The following PPWD1 variants were observed in gnomAD, a reference collection of about 807,000 sequenced individuals.
The protein encoded by PPWD1 is peptidylprolyl isomerase domain and WD repeat containing 1, also known as peptidylprolyl isomerase domain and WD repeat-containing protein 1.
A neutral mutation model predicts 68.8 loss-of-function variants in PPWD1; 43 were observed. The observed-to-expected ratio is 0.62, with a 90% CI of 0.49 to 0.81. PPWD1 has a LOEUF of 0.81. Among genes scored for constraint, PPWD1 ranks in the 30% least tolerant of loss-of-function variants. The probability of loss-of-function intolerance (pLI) is 0.00; values close to 1 mark genes in which losing one functional copy is unlikely to be tolerated. For synonymous variants in PPWD1, 232 were observed against 258.7 expected (o/e 0.90, Z 0.99); for missense variants, 672 against 804.8 (o/e 0.83, Z 2.00).
chr5:65,587,261 T>G lies in PPWD1; in HGVS notation c.1806T>G (p.Leu602=). ...FFITVVPTPW[L]DNKHTVFGRV... ...TTTGTCCTCCAACACAGCCTTGGCT[T>G]GATAATAAGCATACAGTATTTGGAC... The change falls in exon 11 of 11, where the codon CTT becomes CTG. Residue 602 remains leucine, a synonymous_variant. Coordinates refer to ENST00000261308, the MANE Select transcript of PPWD1 (RefSeq NM_015342.4). The G allele has an allele frequency of 6.2e-7, 1 of 1,607,160 alleles. No individual in the cohort carries two copies. The highest frequency in any genetic ancestry group is 8.5e-7 in the Non-Finnish European group (1 of 1,176,246).
At chr5:65,582,951 T>G (rs1357210721) in intron 7 of PPWD1, 87 bp from the exon 8 acceptor site, 3 of 1,413,182 alleles carry the variant, frequency 2.1e-6, no homozygotes, top group East Asian at 2.4e-5. Flanking sequence ...ATTTCTTAAG[T>G]ACTTCATTAG....
At chr5:65,575,318 A>G (rs957360604) in intron 5 of PPWD1, among the ~76,000 whole-genome samples, 1 of 152,212 alleles carries the variant, frequency 6.6e-6, no homozygotes, top group Non-Finnish European at 1.5e-5. Context: ...CCAGCATCCT[A>G]GGCTATTCCT....
At chr5:65,586,333 T>G in intron 10 of PPWD1, 152 bp downstream of exon 10, 1 of 813,094 alleles carries the variant, frequency 1.2e-6, no homozygotes, top group Non-Finnish European at 1.8e-6. Context: ...GAATATAAAA[T>G]TATGTGACTA....
chr5:65,567,193 TTTTTC>T (rs1357595743), intron 1 of PPWD1, among the ~76,000 whole-genome samples: 3 of 152,196 alleles, frequency 2.0e-5, no homozygotes, highest in East Asian at 1.9e-4. Flanking sequence ...TTTTCTTTCT[TTTTTC>T]TTTTCTTTTT....
At chr5:65,585,796 C>A in intron 9 of PPWD1, 1 of 501,672 alleles carries the variant, frequency 2.0e-6, no homozygotes, top group Non-Finnish European at 2.6e-6. Context: ...AGAAGACGAC[C>A]TTTGCATTTA....
chr5:65,572,317 A>T (rs1281736785), intron 5 of PPWD1, 31 bp downstream of exon 5: 1 of 1,532,910 alleles, frequency 6.5e-7, no homozygotes, highest in South Asian at 1.2e-5. Context: ...ACCGTACTTT[A>T]CTTTTCTAAA....
chr5:65,567,778 A>G, intron 2 of PPWD1, 163 bp downstream of exon 2: 1 of 1,245,540 alleles, frequency 8.0e-7, no homozygotes, highest in Non-Finnish European at 1.0e-6. Flanking sequence ...TATCGTACAA[A>G]TAATGCATTC....
At chr5:65,585,951 C>T (rs1447675844) in intron 9 of PPWD1, 48 bp from the exon 10 acceptor site, 2 of 1,589,872 alleles carry the variant, frequency 1.3e-6, no homozygotes, top group African/African-American at 2.7e-5. Flanking sequence ...TCAAAGCGTA[C>T]ATATATCGAA....
intron 6 of PPWD1, among the ~76,000 whole-genome samples, chr5:65,578,282 T>C (rs544822124): frequency 5.1e-4 from 77 of 152,368 alleles, no homozygotes; most frequent in African/African-American, 1.7e-3. Context: ...TTGGCAGTTA[T>C]GTATAAAAGC....
At chr5:65,571,148 A>G (rs1377366688) in intron 4 of PPWD1, among the ~76,000 whole-genome samples, 1 of 152,168 alleles carries the variant, frequency 6.6e-6, no homozygotes, top group Non-Finnish European at 1.5e-5. Flanking sequence ...ACTTTGATAG[A>G]AATTCTTGAA....
At chr5:65,585,976 G>GT (rs1207907704) in intron 9 of PPWD1, 23 bp from the exon 10 acceptor site, 2 of 1,608,550 alleles carry the variant, frequency 1.2e-6, no homozygotes, top group East Asian at 4.5e-5. Context: ...ACAATGTAAT[G>GT]TTTTTGTGTA....
At chr5:65,577,127 C>A in intron 6 of PPWD1, 58 bp downstream of exon 6, 3 of 1,547,858 alleles carry the variant, frequency 1.9e-6, no homozygotes, top group Non-Finnish European at 2.6e-6. Flanking sequence ...ACCATTTCCT[C>A]CATCATGGGA....
At chr5:65,566,626 A>G (rs1357385477) in intron 1 of PPWD1, among the ~76,000 whole-genome samples, 2 of 152,124 alleles carry the variant, frequency 1.3e-5, no homozygotes, top group Non-Finnish European at 2.9e-5. Flanking sequence ...TGTTTAATTT[A>G]GCAACTTTTT....
intron 2 of PPWD1, 123 bp from the exon 3 acceptor site, chr5:65,569,509 G>T: frequency 8.5e-7 from 1 of 1,171,954 alleles, no homozygotes; most frequent in Non-Finnish European, 1.1e-6. Flanking sequence ...CTTAAAGAAG[G>T]GTTTTTTTTA....
intron 5 of PPWD1, among the ~76,000 whole-genome samples, chr5:65,574,860 A>C (rs16894005): frequency 0.19 from 28,978 of 152,228 alleles, 3,407 homozygotes; most frequent in South Asian, 0.32. Context: ...GCCTGAGGTG[A>C]CAAGAAGTCA....
At chr5:65,564,670 T>G (rs147222048) in intron 1 of PPWD1, among the ~76,000 whole-genome samples, 6 of 152,332 alleles carry the variant, frequency 3.9e-5, no homozygotes, top group Admixed American at 1.3e-4. Flanking sequence ...TAAAGCCCTT[T>G]ATGATGTGAT....
At chr5:65,576,354 G>C in intron 5 of PPWD1, 1 of 887,556 alleles carries the variant, frequency 1.1e-6, no homozygotes, top group South Asian at 5.2e-5. Context: ...AGAAGAACCA[G>C]TTACCATTTT....
intron 2 of PPWD1, 103 bp from the exon 3 acceptor site, chr5:65,569,529 C>T: frequency 1.5e-6 from 2 of 1,293,894 alleles, no homozygotes; most frequent in South Asian, 1.9e-5. Flanking sequence ...AAAAAAAAAC[C>T]TATTATGCAC....
intron 7 of PPWD1, among the ~76,000 whole-genome samples, chr5:65,580,508 G>A (rs1190228322): frequency 6.6e-6 from 1 of 152,120 alleles, no homozygotes; most frequent in Non-Finnish European, 1.5e-5. Flanking sequence ...TCAAGTTTCA[G>A]TTTGGAAGCC....
Sources: gnomAD v4.1 joint callset for allele counts (sites outside exome capture counted in the v4.1 genomes callset) on GRCh38, gnomAD v4.1.1 for gene constraint, MANE v1.5 for transcripts, NCBI Gene and HGNC (gene_info 2026-07-23, HGNC 2026-07-21) for gene names.